SLC1A1: variants seen among roughly 807,000 people sequenced by gnomAD.
SLC1A1 encodes solute carrier family 1 member 1.
In SLC1A1, 43 loss-of-function variants were observed where a neutral mutation model predicts 53.3. The ratio of observed to expected loss-of-function variants is 0.81; its 90% CI spans 0.63 to 1.04. The LOEUF is 1.04. Ranked by LOEUF, SLC1A1 falls within the 50% of genes least tolerant of loss-of-function variation. The pLI is 0.00. For missense variants in SLC1A1, 748 were observed against 664.9 expected, an observed-to-expected ratio of 1.12 and a Z score of -1.37; for synonymous variants, 307 against 243.2, an observed-to-expected ratio of 1.26 and a Z score of -2.44.
At chr9:4,564,591 G>T (rs1464767813) in intron 4 of SLC1A1, 133 bp downstream of exon 4, 1 of 709,656 alleles carries the variant, frequency 1.4e-6, no homozygotes, top group Non-Finnish European at 2.5e-6. Flanking sequence ...CTTTCATTTT[G>T]CCCAGGAACC....
At chr9:4,507,740 G>T (rs1434132174) in intron 1 of SLC1A1, among the ~76,000 whole-genome samples, 1 of 152,202 alleles carries the variant, frequency 6.6e-6, no homozygotes, top group Non-Finnish European at 1.5e-5. Flanking sequence ...TCGCCCAGGA[G>T]TTCCAGGCTT....
chr9:4,490,903 T>C, intron 1 of SLC1A1, 133 bp downstream of exon 1: 1 of 716,040 alleles, frequency 1.4e-6, no homozygotes. Flanking sequence ...GGCCTTAGCC[T>C]CGGGCCCCCT....
intron 2 of SLC1A1, among the ~76,000 whole-genome samples, chr9:4,551,407 C>T (rs545785242): frequency 2.8e-4 from 43 of 152,222 alleles, no homozygotes; most frequent in African/African-American, 9.9e-4. Context: ...GAGGGTGAGG[C>T]CCTACCACTC....
intron 1 of SLC1A1, among the ~76,000 whole-genome samples, chr9:4,518,420 G>C (rs886869449): frequency 6.6e-6 from 1 of 151,610 alleles, no homozygotes; most frequent in African/African-American, 2.4e-5. Context: ...AGGCTGGAGT[G>C]CAGTGGCATG....
At chr9:4,507,940 T>C (rs1050235733) in intron 1 of SLC1A1, among the ~76,000 whole-genome samples, 1 of 152,108 alleles carries the variant, frequency 6.6e-6, no homozygotes, top group African/African-American at 2.4e-5. Flanking sequence ...AAACTGGCTA[T>C]TGTAAAGAGG....
Position 4,585,437 on chromosome 9 carries a change from T to C in SLC1A1, c.1454T>C (p.Phe485Ser), listed in dbSNP as rs772392876. ...VSSEVNIVNP[F>S]ALESTILDNE... ...TCTGAAGTCAACATTGTGAATCCCT[T>C]TGCCTTGGAATCCACAATCCTTGAC... The change falls in exon 12 of 12, where the codon TTT (phenylalanine) becomes TCT (serine). Residue 485 changes from phenylalanine (F) to serine (S), a missense_variant. Phe to Ser is a radical substitution (Grantham distance 155, BLOSUM62 -2). Transcript: ENST00000262352. The C allele has an allele frequency of 4.3e-6, 7 of 1,614,206 alleles. No homozygotes were observed. The highest frequency in any genetic ancestry group is 1.6e-4 in the Middle Eastern group (1 of 6,062).
chr9:4,540,735 G>A (rs770557914), intron 1 of SLC1A1, among the ~76,000 whole-genome samples: 66 of 152,156 alleles, frequency 4.3e-4, no homozygotes, highest in Non-Finnish European at 8.8e-4. Flanking sequence ...TCCAGCACCC[G>A]TGCACTGCAG....
rs200714665 is a variant in SLC1A1 at position 4,529,691 on chromosome 9, T to TG, written c.92-14876_92-14875insG. Among the ~76,000 whole-genome samples, 417 of 151,276 alleles carry TG rather than the reference T, an allele frequency of 2.8e-3. 2 individuals are homozygous for TG. Among genetic ancestry groups the TG allele is most frequent in the African/African-American group, 8.9e-3 (364 of 40,772 alleles). The stretch of plus-strand genomic sequence containing the variant: ...TGCCATCAGTCAAAATGAAACTTTT[T>TG]TTGTGTGTGTGTGTGTGTTGTAGAG... On this transcript the variant is annotated intron_variant, in intron 1 of 11. Coordinates refer to ENST00000262352, the MANE Select transcript of SLC1A1 (RefSeq NM_004170.6).
chr9:4,567,802 A>T (rs768847495), intron 6 of SLC1A1, 35 bp downstream of exon 6: 4 of 1,269,732 alleles, frequency 3.2e-6, no homozygotes, highest in Non-Finnish European at 4.6e-6. Flanking sequence ...CTTCCCCAGG[A>T]GACAGGCACT....
chr9:4,547,807 T>G (rs1260287837), intron 2 of SLC1A1, among the ~76,000 whole-genome samples: 1 of 152,194 alleles, frequency 6.6e-6, no homozygotes, highest in Non-Finnish European at 1.5e-5. Context: ...TTATCTTTTA[T>G]ACTATGTATA....
intron 6 of SLC1A1, among the ~76,000 whole-genome samples, chr9:4,570,338 G>A (rs1819908504): frequency 1.3e-5 from 2 of 151,984 alleles, no homozygotes; most frequent in Non-Finnish European, 2.9e-5. Flanking sequence ...TTGATCATAA[G>A]TAAGAAATGA....
chr9:4,498,050 G>A (rs1288829524), intron 1 of SLC1A1, among the ~76,000 whole-genome samples: 5 of 152,196 alleles, frequency 3.3e-5, no homozygotes, highest in Non-Finnish European at 7.3e-5. Context: ...TATGCGTGCT[G>A]AGTAATTGTT....
chr9:4,515,206 A>G (rs996657750), intron 1 of SLC1A1, among the ~76,000 whole-genome samples: 2 of 152,136 alleles, frequency 1.3e-5, no homozygotes, highest in African/African-American at 4.8e-5. Context: ...GGCCTCTTCT[A>G]ACCTATCTCA....
At chr9:4,504,313 C>G (rs1820729312) in intron 1 of SLC1A1, among the ~76,000 whole-genome samples, 1 of 152,042 alleles carries the variant, frequency 6.6e-6, no homozygotes, top group Non-Finnish European at 1.5e-5. Context: ...CTGGATTTTC[C>G]CCCTCCAAGT....
chr9:4,572,766 C>G (rs749504428), intron 7 of SLC1A1, among the ~76,000 whole-genome samples: 57 of 152,140 alleles, frequency 3.7e-4, no homozygotes, highest in Non-Finnish European at 7.6e-4. Flanking sequence ...CCAGGCTGAT[C>G]TCAAACTCCT....
At chr9:4,532,175 C>A (rs1033709998) in intron 1 of SLC1A1, among the ~76,000 whole-genome samples, 2 of 152,150 alleles carry the variant, frequency 1.3e-5, no homozygotes, top group Middle Eastern at 3.2e-3. Flanking sequence ...GAACGCAGCT[C>A]CTTACCAGCA....
chr9:4,572,125 A>C, intron 6 of SLC1A1, 79 bp from the exon 7 acceptor site: 4 of 1,183,058 alleles, frequency 3.4e-6, no homozygotes, highest in Non-Finnish European at 5.1e-6. Context: ...TGGTCATTGT[A>C]TCTTCTCATT....
At chr9:4,515,875 T>C (rs1821145341) in intron 1 of SLC1A1, among the ~76,000 whole-genome samples, 1 of 152,202 alleles carries the variant, frequency 6.6e-6, no homozygotes, top group Non-Finnish European at 1.5e-5. Flanking sequence ...CCTTCTGTCC[T>C]GTGTGTTTCC....
intron 6 of SLC1A1, among the ~76,000 whole-genome samples, chr9:4,568,331 T>C (rs1332434454): frequency 1.3e-5 from 2 of 151,794 alleles, no homozygotes; most frequent in African/African-American, 2.4e-5. Flanking sequence ...AGTGGGAGGA[T>C]TGCTTGTTCC....
Sources: allele counts gnomAD v4.1 joint callset (sites outside exome capture counted in the v4.1 genomes callset), GRCh38; gene constraint gnomAD v4.1.1; transcripts MANE v1.5; gene names NCBI Gene and HGNC (gene_info 2026-07-23, HGNC 2026-07-21).